Variants in GALNTL6 observed in about 807,000 individuals in gnomAD.
GALNTL6 encodes polypeptide N-acetylgalactosaminyltransferase like 6, also known as polypeptide N-acetylgalactosaminyltransferase-like 6.
GALNTL6 carries 46 observed loss-of-function variants against 73.7 expected under a neutral mutation model. That is an observed-to-expected ratio of 0.62 (90% confidence interval 0.49 to 0.80). GALNTL6 has a LOEUF of 0.80. GALNTL6 is among the 30% of genes least tolerant of loss of function. GALNTL6 has a pLI of 0.00. For missense variants in GALNTL6, 604 were observed against 755.0 expected, an observed-to-expected ratio of 0.80 and a Z score of 2.34; for synonymous variants, 259 against 263.7, an observed-to-expected ratio of 0.98 and a Z score of 0.17.
At chr4:172,477,925 A>G (rs984590020) in intron 5 of GALNTL6, among the ~76,000 whole-genome samples, 4 of 152,154 alleles carry the variant, frequency 2.6e-5, no homozygotes, top group African/African-American at 9.7e-5. Context: ...TAGTGGAAAC[A>G]AACTTCTGCA....
At chr4:172,219,970 G>A (rs1016117673) in intron 2 of GALNTL6, among the ~76,000 whole-genome samples, 4 of 151,828 alleles carry the variant, frequency 2.6e-5, no homozygotes, top group African/African-American at 9.7e-5. Flanking sequence ...AAATTTTCTA[G>A]TGGAAAATAT....
intron 2 of GALNTL6, among the ~76,000 whole-genome samples, chr4:172,165,932 GA>G (rs1174051461): frequency 2.6e-5 from 4 of 150,952 alleles, no homozygotes; most frequent in East Asian, 1.9e-4. Flanking sequence ...CAGAGAAGGA[GA>G]AAAAAAATAG....
intron 8 of GALNTL6, among the ~76,000 whole-genome samples, chr4:172,897,893 G>T (rs982840421): frequency 6.6e-6 from 1 of 152,194 alleles, no homozygotes; most frequent in African/African-American, 2.4e-5. Flanking sequence ...CAATCTTTCA[G>T]TGAGATGTAG....
chr4:172,561,219 G>C (rs1013338728), intron 5 of GALNTL6, among the ~76,000 whole-genome samples: 1 of 132,034 alleles, frequency 7.6e-6, no homozygotes, highest in Non-Finnish European at 1.5e-5. Context: ...CGCCACTGCA[G>C]TCCGCAGTCC....
intron 5 of GALNTL6, among the ~76,000 whole-genome samples, chr4:172,628,471 C>T (rs1453363735): frequency 1.3e-5 from 2 of 151,888 alleles, no homozygotes; most frequent in African/African-American, 2.4e-5. Context: ...ATGACTCATG[C>T]CTATAATCCC....
intron 5 of GALNTL6, among the ~76,000 whole-genome samples, chr4:172,671,414 G>T (rs189418373): frequency 6.6e-6 from 1 of 151,718 alleles, no homozygotes; most frequent in African/African-American, 2.4e-5. Context: ...GTGTGTGTTT[G>T]TGTGGCAACT....
At chr4:172,736,942 A>T (rs1241357114) in intron 5 of GALNTL6, among the ~76,000 whole-genome samples, 1 of 152,134 alleles carries the variant, frequency 6.6e-6, no homozygotes, top group African/African-American at 2.4e-5. Flanking sequence ...ACTATCTAAG[A>T]CGTGCCTTTG....
At chr4:172,153,099 CT>C (rs1734148557) in intron 2 of GALNTL6, among the ~76,000 whole-genome samples, 1 of 152,216 alleles carries the variant, frequency 6.6e-6, no homozygotes, top group African/African-American at 2.4e-5. Context: ...TTCACATCCG[CT>C]TATTGACACC....
At chr4:171,873,804 T>C (rs895260714) in intron 2 of GALNTL6, among the ~76,000 whole-genome samples, 1 of 152,210 alleles carries the variant, frequency 6.6e-6, no homozygotes, top group Non-Finnish European at 1.5e-5. Context: ...TGTACTTAAC[T>C]ATACTTTTAC....
chr4:172,425,615 A>G (rs889310967), intron 5 of GALNTL6, among the ~76,000 whole-genome samples: 2 of 152,080 alleles, frequency 1.3e-5, no homozygotes, highest in Admixed American at 1.3e-4. Context: ...ACCTTCTCAT[A>G]ATAAGAGCAA....
rs61513980 is a variant in GALNTL6, at chr4:172,454,047, C to T, written c.553+105358C>T. ...ATGGTGCTATGTCCTCCACAAATTCCAGAGCCTGCCCATTGCACATTTATA... is the reference window on the plus strand; with the variant it reads ...ATGGTGCTATGTCCTCCACAAATTCTAGAGCCTGCCCATTGCACATTTATA... On this transcript the variant is annotated intron_variant, in intron 5 of 12. Coordinates refer to ENST00000506823, the MANE Select transcript of GALNTL6 (RefSeq NM_001034845.3). Among the ~76,000 whole-genome samples the T allele has an allele frequency of 4.2e-3, 633 of 152,274 alleles. 5 individuals are homozygous for T. Among genetic ancestry groups the T allele is most frequent in the African/African-American group, 0.014 (569 of 41,554 alleles).
At chr4:172,276,903 T>A (rs1257653507) in intron 3 of GALNTL6, among the ~76,000 whole-genome samples, 1 of 152,174 alleles carries the variant, frequency 6.6e-6, no homozygotes, top group Non-Finnish European at 1.5e-5. Flanking sequence ...ATTAATTTAA[T>A]GGACTATTTT....
chr4:172,449,343 T>G (rs1266243426), intron 5 of GALNTL6, among the ~76,000 whole-genome samples: 4 of 152,198 alleles, frequency 2.6e-5, no homozygotes, highest in African/African-American at 9.6e-5. Context: ...GGTATAGACC[T>G]CACCTTCAAG....
intron 2 of GALNTL6, among the ~76,000 whole-genome samples, chr4:171,883,091 C>G (rs1367216214): frequency 1.3e-5 from 2 of 152,142 alleles, no homozygotes; most frequent in Admixed American, 6.5e-5. Flanking sequence ...TGGCTCACAC[C>G]TGTAATCCCA....
intron 3 of GALNTL6, among the ~76,000 whole-genome samples, chr4:172,274,904 G>A (rs1738776068): frequency 6.6e-6 from 1 of 152,134 alleles, no homozygotes; most frequent in African/African-American, 2.4e-5. Flanking sequence ...AGTAAAAGAA[G>A]CTAGAAGTAA....
intron 5 of GALNTL6, among the ~76,000 whole-genome samples, chr4:172,585,547 GT>G (rs1579213775): frequency 6.6e-6 from 1 of 152,042 alleles, no homozygotes; most frequent in African/African-American, 2.4e-5. Context: ...GAGAATGATG[GT>G]TTCCAGCTTC....
chr4:172,248,258 T>C (rs1474381892), intron 3 of GALNTL6, among the ~76,000 whole-genome samples: 1 of 152,220 alleles, frequency 6.6e-6, no homozygotes, highest in Non-Finnish European at 1.5e-5. Flanking sequence ...TTAGCAACTT[T>C]TCAATACTTT....
At chr4:172,982,343 G>A (rs547174930) in intron 10 of GALNTL6, among the ~76,000 whole-genome samples, 1 of 152,268 alleles carries the variant, frequency 6.6e-6, no homozygotes, top group African/African-American at 2.4e-5. Flanking sequence ...AAGCCAAGGA[G>A]CTAAACTAGA....
chr4:172,474,078 C>T (rs1359297295), intron 5 of GALNTL6, among the ~76,000 whole-genome samples: 2 of 152,196 alleles, frequency 1.3e-5, no homozygotes, highest in Non-Finnish European at 2.9e-5. Context: ...ATCCTGCACA[C>T]AAGCCTACTC....
Sources: allele counts gnomAD v4.1 joint callset (sites outside exome capture counted in the v4.1 genomes callset), GRCh38; gene constraint gnomAD v4.1.1; transcripts MANE v1.5; gene names NCBI Gene and HGNC (gene_info 2026-07-23, HGNC 2026-07-21).